ELMO1: variants seen among roughly 807,000 people sequenced by gnomAD.
ELMO1 encodes engulfment and cell motility 1.
In ELMO1, 26 loss-of-function variants were observed where a neutral mutation model predicts 98.9. That is an observed-to-expected ratio of 0.26 (90% CI 0.19 to 0.36). ELMO1 has a LOEUF of 0.36. ELMO1 is among the 10% of genes least tolerant of loss of function. The pLI is 1.00. For synonymous variants in ELMO1, 346 were observed against 346.0 expected, an observed-to-expected ratio of 1.00 and a Z score of 0.00; for missense variants, 627 against 935.2, an observed-to-expected ratio of 0.67 and a Z score of 4.30.
chr7:37,425,571 C>T (rs995818120), intron 1 of ELMO1, among the ~76,000 whole-genome samples: 7 of 152,190 alleles, frequency 4.6e-5, no homozygotes, highest in African/African-American at 1.2e-4. Flanking sequence ...GATGTCTATC[C>T]GTTGAATGAA....
Position 37,342,915 on chromosome 7 carries a change from C to T in ELMO1, c.-73-152G>A, listed in dbSNP as rs950889061. The T allele has an allele frequency of 1.5e-4, 75 of 495,714 alleles. No homozygotes were observed. Among genetic ancestry groups the T allele is most frequent in the African/African-American group, 1.2e-3 (58 of 49,798 alleles). The allele number at this position is 495,714 out of a possible 1,614,324, so 30.7% of individuals were successfully genotyped here. A position where few individuals can be genotyped will look rare whatever the true frequency, so the allele number is the denominator to read the frequency against. On this transcript the variant is annotated intron_variant, in intron 1 of 21. Transcript: ENST00000310758. The surrounding 1 kb of genome is among the most constrained non-coding windows in gnomAD (Gnocchi z 4.3). ...GCTGAAGGTGCAGGGGCACAGCCAA[C>T]GGTACAATGGGCTCCTGAGGAAAGA...
At chr7:37,138,319 C>T (rs187081126) in intron 13 of ELMO1, among the ~76,000 whole-genome samples, 2 of 148,866 alleles carry the variant, frequency 1.3e-5, no homozygotes, top group East Asian at 3.9e-4. Context: ...AGAAGATAGA[C>T]CATTAGTGAG....
intron 18 of ELMO1, among the ~76,000 whole-genome samples, chr7:36,879,531 A>G (rs1265256993): frequency 6.6e-6 from 1 of 152,252 alleles, no homozygotes; most frequent in East Asian, 1.9e-4. Context: ...TGGTTTAATT[A>G]TGATTCTTTT....
intron 13 of ELMO1, among the ~76,000 whole-genome samples, chr7:37,135,453 C>G (rs1228928717): frequency 6.6e-6 from 1 of 152,156 alleles, no homozygotes; most frequent in Non-Finnish European, 1.5e-5. Flanking sequence ...AAAACACAAC[C>G]AAGGACCCGC....
At chr7:36,902,477 A>T (rs1002461637) in intron 16 of ELMO1, among the ~76,000 whole-genome samples, 4 of 152,230 alleles carry the variant, frequency 2.6e-5, no homozygotes, top group African/African-American at 4.8e-5. Flanking sequence ...CCTCCTCTGT[A>T]GGATGGCATT....
chr7:36,892,701 T>C (rs1044222603), intron 17 of ELMO1, among the ~76,000 whole-genome samples: 8 of 152,230 alleles, frequency 5.3e-5, no homozygotes, highest in Admixed American at 6.5e-5. Flanking sequence ...ATCACTCTAA[T>C]AGGCAAAACA....
Position 37,171,477 on chromosome 7 carries a change from C to CT in ELMO1, c.1087-38244dup, listed in dbSNP as rs1479173010. ...CATTAGTTTATTCTTGTAACCAGGC[C>CT]TTTCTATTTTTTTTTTTTTTTTTTT... On this transcript the variant is annotated intron_variant, in intron 13 of 21. Transcript: ENST00000310758. 2.2e-4 allele frequency among the ~76,000 whole-genome samples: 20 copies of CT among 92,504 alleles called. 1 individual carries two copies. Among genetic ancestry groups the CT allele is most frequent in the African/African-American group, 7.2e-4 (17 of 23,576 alleles). The allele number at this position is 92,504 out of a possible 152,430, so 60.7% of individuals were successfully genotyped here. A position where few individuals can be genotyped will look rare whatever the true frequency, so the allele number is the denominator to read the frequency against.
At chr7:37,122,665 G>C (rs1262678426) in intron 14 of ELMO1, among the ~76,000 whole-genome samples, 1 of 152,190 alleles carries the variant, frequency 6.6e-6, no homozygotes, top group African/African-American at 2.4e-5. Context: ...AAGAGACTTA[G>C]ACTCCCACAC....
At chr7:37,138,253 A>C (rs563130960) in intron 13 of ELMO1, among the ~76,000 whole-genome samples, 3 of 151,438 alleles carry the variant, frequency 2.0e-5, no homozygotes, top group East Asian at 3.9e-4. Flanking sequence ...ACAACAACAA[A>C]AATACAAAAG....
intron 14 of ELMO1, among the ~76,000 whole-genome samples, chr7:37,099,726 C>T (rs140998235): frequency 6.4e-4 from 98 of 152,206 alleles, no homozygotes; most frequent in Non-Finnish European, 1.0e-3. Context: ...CCAACAAGTC[C>T]ATCCATTAAT....
chr7:37,413,525 T>A (rs969345656), intron 1 of ELMO1, among the ~76,000 whole-genome samples: 1 of 152,210 alleles, frequency 6.6e-6, no homozygotes, highest in African/African-American at 2.4e-5. Context: ...TGAACCAAAC[T>A]GTCTGAAGAT....
intron 15 of ELMO1, among the ~76,000 whole-genome samples, chr7:37,092,366 CTTTTTTTTTTT>C (rs537388417): frequency 0.016 from 1,129 of 68,892 alleles, 20 homozygotes; most frequent in African/African-American, 0.046. Context: ...TACCCATATT[CTTTTTTTTTTT>C]TTTTTTTTTT....
intron 14 of ELMO1, among the ~76,000 whole-genome samples, chr7:37,109,021 T>C (rs1050549498): frequency 1.3e-5 from 2 of 152,240 alleles, no homozygotes; most frequent in Non-Finnish European, 2.9e-5. Context: ...GTTTATGTGA[T>C]GCACTGAGAA....
intron 15 of ELMO1, among the ~76,000 whole-genome samples, chr7:37,016,313 T>C (rs1188107568): frequency 6.6e-6 from 1 of 152,170 alleles, no homozygotes; most frequent in Non-Finnish European, 1.5e-5. Context: ...CTACAAGCAC[T>C]ATTCTTGTAA....
At chr7:37,267,414 A>T (rs533860261) in intron 5 of ELMO1, among the ~76,000 whole-genome samples, 10 of 152,368 alleles carry the variant, frequency 6.6e-5, no homozygotes, top group African/African-American at 1.7e-4. Flanking sequence ...ATCACTAAAA[A>T]CAATGATGCA....
intron 13 of ELMO1, among the ~76,000 whole-genome samples, chr7:37,186,215 G>C (rs1343824692): frequency 6.6e-6 from 1 of 152,088 alleles, no homozygotes; most frequent in African/African-American, 2.4e-5. Flanking sequence ...AATGAAGAGA[G>C]AACAGTTTTC....
intron 16 of ELMO1, among the ~76,000 whole-genome samples, chr7:36,909,560 T>C (rs1053650140): frequency 6.6e-6 from 1 of 152,262 alleles, no homozygotes; most frequent in East Asian, 1.9e-4. Context: ...AACTTGATCA[T>C]TTAAATTAAT....
intron 16 of ELMO1, among the ~76,000 whole-genome samples, chr7:36,998,941 T>G (rs1792425749): frequency 6.6e-6 from 1 of 151,968 alleles, no homozygotes; most frequent in Non-Finnish European, 1.5e-5. Flanking sequence ...TTATTTATTA[T>G]TAAGAATGTG....
chr7:36,866,071 A>G (rs1222308102), intron 20 of ELMO1, among the ~76,000 whole-genome samples: 1 of 152,232 alleles, frequency 6.6e-6, no homozygotes, highest in Non-Finnish European at 1.5e-5. Context: ...ATATACTCCT[A>G]TCTGAATCAA....
Sources: allele counts gnomAD v4.1 joint callset (sites outside exome capture counted in the v4.1 genomes callset), GRCh38; gene constraint gnomAD v4.1.1; non-coding constraint Gnocchi (gnomAD v3.1); transcripts MANE v1.5; gene names NCBI Gene and HGNC (gene_info 2026-07-23, HGNC 2026-07-21).